Variants in KALRN observed in about 807,000 individuals in gnomAD.
KALRN encodes kalirin RhoGEF kinase.
A neutral mutation model predicts 353.7 loss-of-function variants in KALRN; 70 were observed. That is an observed-to-expected ratio of 0.20 (90% confidence interval 0.16 to 0.24). The LOEUF is 0.24. Among genes scored for constraint, KALRN ranks in the 10% least tolerant of loss-of-function variants. The pLI, the probability that KALRN is intolerant of heterozygous loss-of-function variation, is 1.00. For synonymous variants in KALRN, 1,391 were observed against 1,434.8 expected, an observed-to-expected ratio of 0.97 and a Z score of 0.69; for missense variants, 2,791 against 3,756.7, an observed-to-expected ratio of 0.74 and a Z score of 6.72.
At chr3:124,521,961 A>G (rs1251584426) in intron 33 of KALRN, among the ~76,000 whole-genome samples, 1 of 152,192 alleles carries the variant, frequency 6.6e-6, no homozygotes, top group African/African-American at 2.4e-5. Flanking sequence ...GGCTGCCCTC[A>G]TGGAGCATAC....
intron 5 of KALRN, among the ~76,000 whole-genome samples, chr3:124,286,075 T>TTTCC (rs201099722): frequency 0.01 from 1,357 of 134,892 alleles, 15 homozygotes; most frequent in Middle Eastern, 0.015. Context: ...TCTTTCTTTC[T>TTTCC]TTCCTTCCTT....
At chr3:124,624,665 C>T (rs2079725934) in intron 34 of KALRN, among the ~76,000 whole-genome samples, 2 of 149,878 alleles carry the variant, frequency 1.3e-5, no homozygotes, top group African/African-American at 4.9e-5. Context: ...CCTTCAGAGG[C>T]TCCCATTCTG....
chr3:124,465,697 C>T, intron 25 of KALRN, among the ~76,000 whole-genome samples: 1 of 152,096 alleles, frequency 6.6e-6, no homozygotes, highest in East Asian at 1.9e-4. Context: ...GCTTTTTAAC[C>T]CCAATTGTTT....
At chr3:124,533,770 C>T (rs983375363) in intron 33 of KALRN, among the ~76,000 whole-genome samples, 2 of 152,176 alleles carry the variant, frequency 1.3e-5, no homozygotes, top group African/African-American at 4.8e-5. Context: ...AAATAATGAG[C>T]CATGCACTTT....
At chr3:124,209,461 C>T (rs1331243729) in intron 1 of KALRN, among the ~76,000 whole-genome samples, 1 of 143,900 alleles carries the variant, frequency 6.9e-6, no homozygotes, top group South Asian at 2.2e-4. Context: ...TGCACTCTAG[C>T]CTGGGCAACA....
chr3:124,136,494 C>A (rs2065935135), intron 1 of KALRN, among the ~76,000 whole-genome samples: 1 of 152,120 alleles, frequency 6.6e-6, no homozygotes, highest in Admixed American at 6.5e-5. Flanking sequence ...CAAGGTCCCC[C>A]CCCCATTGAT....
At chr3:124,212,044 A>G (rs1315233740) in intron 1 of KALRN, among the ~76,000 whole-genome samples, 1 of 152,222 alleles carries the variant, frequency 6.6e-6, no homozygotes, top group Admixed American at 6.5e-5. Flanking sequence ...GAGGCAAGGC[A>G]TGGGCATTTA....
chr3:124,312,932 C>T (rs78899534), intron 6 of KALRN, among the ~76,000 whole-genome samples: 6,706 of 152,280 alleles, frequency 0.044, 200 homozygotes, highest in Middle Eastern at 0.082. Context: ...CCTAAATAAA[C>T]GCTTGTTGAA....
chr3:124,073,890 C>T (rs1238737388), intron 1 of KALRN, among the ~76,000 whole-genome samples: 1 of 152,100 alleles, frequency 6.6e-6, no homozygotes, highest in Non-Finnish European at 1.5e-5. Context: ...CTGATTTCTC[C>T]ATCAAGGCAC....
intron 13 of KALRN, among the ~76,000 whole-genome samples, chr3:124,408,365 T>G (rs1293746029): frequency 2.0e-5 from 3 of 152,142 alleles, no homozygotes; most frequent in Non-Finnish European, 2.9e-5. Context: ...CAAAATCAAT[T>G]CTTGGAGCAG....
chr3:124,461,479 T>A (rs16835471), intron 23 of KALRN, among the ~76,000 whole-genome samples: 51,519 of 151,964 alleles, frequency 0.34, 9,211 homozygotes, highest in East Asian at 0.6. Flanking sequence ...AACAGAAATC[T>A]TCATTCTGGG....
intron 1 of KALRN, among the ~76,000 whole-genome samples, chr3:124,073,018 T>C (rs2060090024): frequency 6.6e-6 from 1 of 152,192 alleles, no homozygotes; most frequent in Non-Finnish European, 1.5e-5. Flanking sequence ...TGATTACATG[T>C]TCATCATGCA....
chr3:124,333,864 C>T (rs1353670480), intron 8 of KALRN, among the ~76,000 whole-genome samples: 6 of 152,184 alleles, frequency 3.9e-5, no homozygotes, highest in Admixed American at 1.3e-4. Context: ...TGCACTCCAG[C>T]CTGGGGACAA....
chr3:124,107,345 T>C (rs975618474), intron 1 of KALRN, among the ~76,000 whole-genome samples: 4 of 152,192 alleles, frequency 2.6e-5, no homozygotes, highest in Non-Finnish European at 5.9e-5. Flanking sequence ...AACCACATTT[T>C]TTTTTTCCTG....
intron 33 of KALRN, among the ~76,000 whole-genome samples, chr3:124,497,399 G>A (rs557643501): frequency 5.9e-5 from 9 of 152,106 alleles, no homozygotes; most frequent in East Asian, 1.9e-4. Flanking sequence ...TAAGTTATAG[G>A]TATTTCTTTT....
intron 12 of KALRN, among the ~76,000 whole-genome samples, chr3:124,397,945 G>A (rs2090369941): frequency 1.3e-5 from 2 of 152,190 alleles, no homozygotes; most frequent in African/African-American, 4.8e-5. Flanking sequence ...ACTGGTCTTA[G>A]TTCATGTGCA....
chr3:124,639,250 T>C (rs1189639210), intron 37 of KALRN, among the ~76,000 whole-genome samples: 1 of 151,928 alleles, frequency 6.6e-6, no homozygotes, highest in East Asian at 1.9e-4. Context: ...TCTCCTCCTC[T>C]ACAAGGGCTT....
chr3:124,101,495 C>A, intron 1 of KALRN, among the ~76,000 whole-genome samples: 1 of 152,178 alleles, frequency 6.6e-6, no homozygotes, highest in East Asian at 1.9e-4. Flanking sequence ...TTGGGTTTGT[C>A]ACTAAAGTTC....
chr3:124,584,684 G>T, intron 34 of KALRN: 1 of 1,432,750 alleles, frequency 7.0e-7, no homozygotes, highest in Non-Finnish European at 9.1e-7. Flanking sequence ...TCAGAGCTGC[G>T]GCCGCGGTGC....
Sources: gnomAD v4.1 joint callset for allele counts (sites outside exome capture counted in the v4.1 genomes callset) on GRCh38, gnomAD v4.1.1 for gene constraint, MANE v1.5 for transcripts, NCBI Gene and HGNC (gene_info 2026-07-23, HGNC 2026-07-21) for gene names.